TMTC1: variants seen among roughly 807,000 people sequenced by gnomAD.
The protein encoded by TMTC1 is transmembrane O-mannosyltransferase targeting cadherins 1.
In TMTC1, 73 loss-of-function variants were observed where a neutral mutation model predicts 104.8. That is an observed-to-expected ratio of 0.70 (90% CI 0.58 to 0.85). The LOEUF (loss-of-function observed/expected upper bound fraction) is 0.85, where lower values mean the gene tolerates loss of function less well. Among genes scored for constraint, TMTC1 ranks in the 40% least tolerant of loss-of-function variants. The pLI, the probability that TMTC1 is intolerant of heterozygous loss-of-function variation, is 0.00. For synonymous variants in TMTC1, 434 were observed against 428.7 expected (o/e 1.01, Z -0.15); for missense variants, 1,035 against 1,096.1 (o/e 0.94, Z 0.79).
At chr12:29,781,503 T>C (rs1943835703) in intron 1 of TMTC1, among the ~76,000 whole-genome samples, 1 of 152,166 alleles carries the variant, frequency 6.6e-6, no homozygotes, top group Non-Finnish European at 1.5e-5. Context: ...CCCTCCCTTA[T>C]GTGCCTGCTG....
At chr12:29,744,108 C>G (rs1051117786) in intron 5 of TMTC1, among the ~76,000 whole-genome samples, 2 of 152,218 alleles carry the variant, frequency 1.3e-5, no homozygotes, top group Non-Finnish European at 2.9e-5. Context: ...CGTTCTCTTT[C>G]AACATATGTC....
At chr12:29,705,658 C>A (rs1941719617) in intron 5 of TMTC1, among the ~76,000 whole-genome samples, 1 of 152,158 alleles carries the variant, frequency 6.6e-6, no homozygotes, top group Non-Finnish European at 1.5e-5. Flanking sequence ...TCAAAGTCAT[C>A]TCTTTGAGAT....
chr12:29,555,184 C>T (rs573286168), intron 10 of TMTC1, among the ~76,000 whole-genome samples: 1 of 126,056 alleles, frequency 7.9e-6, no homozygotes, highest in African/African-American at 3.0e-5. Flanking sequence ...GTCACCCAGG[C>T]TAGAGTACAG....
Position 29,633,237 on chromosome 12 carries a change from T to C in TMTC1, c.1038A>G (p.Val346=). ...AGTTCCGCATGTCCCATATGGTCTC[T>C]ACCAGAGGAATACTGCCGACCTGCC... is the stretch of plus-strand genomic sequence containing the variant. The part of the protein sequence containing the change: ...YDWQVGSIPL[V]ETIWDMRNLA... Residue 346 remains valine, a synonymous_variant, in exon 6 of 18, where the codon GTA becomes GTG. Transcript: ENST00000539277. 6.2e-7 allele frequency: 1 copy of C among 1,614,032 alleles called. No homozygotes were observed. The highest frequency in any genetic ancestry group is 8.5e-7 in the Non-Finnish European group (1 of 1,179,988).
At chr12:29,741,220 A>G (rs1375088465) in intron 5 of TMTC1, among the ~76,000 whole-genome samples, 2 of 152,220 alleles carry the variant, frequency 1.3e-5, no homozygotes, top group African/African-American at 4.8e-5. Context: ...GCAAAAATTA[A>G]CAATGGAAAA....
chr12:29,780,787 G>A (rs1943818151), intron 1 of TMTC1, among the ~76,000 whole-genome samples: 1 of 152,202 alleles, frequency 6.6e-6, no homozygotes, highest in African/African-American at 2.4e-5. Flanking sequence ...GAAATGGATA[G>A]AGTAGAAGGA....
intron 8 of TMTC1, among the ~76,000 whole-genome samples, chr12:29,582,853 G>C (rs1946020276): frequency 6.6e-6 from 1 of 152,202 alleles, no homozygotes; most frequent in African/African-American, 2.4e-5. Context: ...TGTCAGGTGT[G>C]GCAGTGCCAA....
chr12:29,763,833 A>G (rs573215221), intron 2 of TMTC1, among the ~76,000 whole-genome samples: 1 of 152,332 alleles, frequency 6.6e-6, no homozygotes, highest in Non-Finnish European at 1.5e-5. Flanking sequence ...AGGATACAAG[A>G]ATGGCAGAGA....
intron 5 of TMTC1, among the ~76,000 whole-genome samples, chr12:29,733,703 G>T (rs1185356462): frequency 6.6e-6 from 1 of 152,208 alleles, no homozygotes; most frequent in East Asian, 1.9e-4. Context: ...AGTCAGGTTG[G>T]CTTTATGCCT....
At chr12:29,673,145 C>T (rs544378596) in intron 5 of TMTC1, among the ~76,000 whole-genome samples, 8 of 152,160 alleles carry the variant, frequency 5.3e-5, no homozygotes, top group Admixed American at 3.3e-4. Context: ...CTATTTTTTG[C>T]ATTGAGGGGA....
intron 10 of TMTC1, among the ~76,000 whole-genome samples, chr12:29,539,061 A>G (rs1389501345): frequency 6.6e-6 from 1 of 152,174 alleles, no homozygotes; most frequent in Non-Finnish European, 1.5e-5. Context: ...TCTAAAAGGG[A>G]GAGGAATGAA....
Position 29,751,743 on chromosome 12 carries a change from G to T in TMTC1, c.861C>A (p.Gly287=). ...GTTCTGGTGGCAGTGGAGAGTGGCA[G>T]CCACCCCAAGCTCCTTTGTGAGGGA... The part of the protein sequence containing the change: ...QRFPHKGAWG[G]CHSPLPPEPK... Residue 287 remains glycine, a synonymous_variant, in exon 5 of 18, where the codon GGC becomes GGA. Transcript: ENST00000539277. 2 of 1,614,104 alleles carry T rather than the reference G, an allele frequency of 1.2e-6. No homozygotes were observed. Among genetic ancestry groups the T allele is most frequent in the Non-Finnish European group, 1.7e-6 (2 of 1,180,036 alleles).
At chr12:29,568,313 T>C (rs1945574418) in intron 9 of TMTC1, among the ~76,000 whole-genome samples, 1 of 152,126 alleles carries the variant, frequency 6.6e-6, no homozygotes, top group Non-Finnish European at 1.5e-5. Flanking sequence ...ATTATTTCTA[T>C]GGAAAATAAG....
chr12:29,641,691 C>T (rs930442637), intron 5 of TMTC1, among the ~76,000 whole-genome samples: 4 of 151,746 alleles, frequency 2.6e-5, no homozygotes, highest in African/African-American at 7.3e-5. Context: ...CTCTTCAATA[C>T]CCCCCCAAAA....
At chr12:29,532,572 T>C (rs1457719641) in intron 11 of TMTC1, 1 of 152,074 alleles carries the variant, frequency 6.6e-6, no homozygotes, top group East Asian at 1.9e-4. Context: ...CAAAATAGTA[T>C]GTATAATTTA....
intron 10 of TMTC1, among the ~76,000 whole-genome samples, chr12:29,538,276 T>C (rs1426459683): frequency 6.6e-6 from 1 of 152,188 alleles, no homozygotes; most frequent in Non-Finnish European, 1.5e-5. Context: ...TACACTCAAG[T>C]TTCTATTCTA....
chr12:29,757,052 A>T (rs1943231728), intron 3 of TMTC1, among the ~76,000 whole-genome samples: 1 of 152,366 alleles, frequency 6.6e-6, no homozygotes, highest in South Asian at 2.1e-4. Flanking sequence ...CAGAATGAAC[A>T]AGAAACAATT....
intron 6 of TMTC1, among the ~76,000 whole-genome samples, chr12:29,621,905 G>T (rs1937692790): frequency 6.6e-6 from 1 of 152,100 alleles, no homozygotes; most frequent in Non-Finnish European, 1.5e-5. Context: ...GTTGTTGCTG[G>T]TCGTCACCTC....
intron 5 of TMTC1, among the ~76,000 whole-genome samples, chr12:29,745,485 T>G (rs1942929091): frequency 6.6e-6 from 1 of 151,876 alleles, no homozygotes; most frequent in Non-Finnish European, 1.5e-5. Flanking sequence ...TAGCCAGGCA[T>G]GGTGGCACAC....
Sources: allele counts gnomAD v4.1 joint callset (sites outside exome capture counted in the v4.1 genomes callset), GRCh38; gene constraint gnomAD v4.1.1; transcripts MANE v1.5; gene names NCBI Gene and HGNC (gene_info 2026-07-23, HGNC 2026-07-21).